Variants in ZNF277 observed in about 807,000 individuals in gnomAD.
The protein encoded by ZNF277 is nuclear receptor-interacting factor 4.
A neutral mutation model predicts 60.7 loss-of-function variants in ZNF277; 55 were observed. The observed-to-expected ratio is 0.91, with a 90% CI of 0.73 to 1.13. ZNF277 has a LOEUF of 1.13. Ranked by LOEUF, ZNF277 falls within the 50% of genes most tolerant of loss-of-function variation. ZNF277 has a pLI of 0.00. For missense variants in ZNF277, 510 were observed against 523.0 expected (o/e 0.98, Z 0.24); for synonymous variants, 178 against 179.3 (o/e 0.99, Z 0.06).
At chr7:112,261,257 G>T (rs1212276963) in intron 1 of ZNF277, among the ~76,000 whole-genome samples, 2 of 152,208 alleles carry the variant, frequency 1.3e-5, no homozygotes, top group East Asian at 3.8e-4. Context: ...TGATGGAAAT[G>T]AAGTTTCAGT....
intron 7 of ZNF277, among the ~76,000 whole-genome samples, chr7:112,332,251 C>T (rs1176959631): frequency 7.9e-5 from 12 of 152,144 alleles, no homozygotes. Context: ...TATTTGAGTA[C>T]TTATAATCTG....
chr7:112,296,908 A>ATTTATTTTTTTTTTT (rs1792357263), intron 4 of ZNF277, among the ~76,000 whole-genome samples: 1 of 37,186 alleles, frequency 2.7e-5, no homozygotes, highest in South Asian at 9.1e-4. Flanking sequence ...TTATTTATTT[A>ATTTATTTTTTTTTTT]TTTATTTTTT....
intron 1 of ZNF277, among the ~76,000 whole-genome samples, chr7:112,222,403 T>C (rs1271231401): frequency 6.6e-6 from 1 of 152,262 alleles, no homozygotes; most frequent in Admixed American, 6.5e-5. Flanking sequence ...TTCTTCATAA[T>C]TGAGTCTTGC....
intron 7 of ZNF277, among the ~76,000 whole-genome samples, chr7:112,333,622 G>T (rs554529945): frequency 6.6e-6 from 1 of 152,310 alleles, no homozygotes; most frequent in African/African-American, 2.4e-5. Context: ...GCAGAAGTAG[G>T]AGAGCAAATG....
At chr7:112,241,974 T>C (rs1446108197) in intron 1 of ZNF277, among the ~76,000 whole-genome samples, 3 of 152,076 alleles carry the variant, frequency 2.0e-5, no homozygotes, top group Admixed American at 6.6e-5. Flanking sequence ...AGAAACCTAT[T>C]GTACATTTAA....
chr7:112,312,067 A>G (rs1792744576), intron 4 of ZNF277, among the ~76,000 whole-genome samples: 1 of 152,110 alleles, frequency 6.6e-6, no homozygotes, highest in Non-Finnish European at 1.5e-5. Flanking sequence ...TATAATGCCC[A>G]GGGGAGATTA....
chr7:112,231,181 TCCAGC>T (rs1327391837), intron 1 of ZNF277, among the ~76,000 whole-genome samples: 1 of 147,408 alleles, frequency 6.8e-6, no homozygotes. Flanking sequence ...GCCATTGCAC[TCCAGC>T]CTGGCAACAA....
At chr7:112,244,366 T>G (rs1042581685) in intron 1 of ZNF277, among the ~76,000 whole-genome samples, 3 of 152,168 alleles carry the variant, frequency 2.0e-5, no homozygotes, top group African/African-American at 7.2e-5. Flanking sequence ...CTAATGGAAA[T>G]ATATTTCTAA....
intron 2 of ZNF277, among the ~76,000 whole-genome samples, chr7:112,290,450 C>G (rs1245572394): frequency 6.6e-6 from 1 of 152,042 alleles, no homozygotes; most frequent in Non-Finnish European, 1.5e-5. Flanking sequence ...TAATTAAATG[C>G]TGGGATTATT....
rs1349822252 is a variant in ZNF277 at position 112,320,707 on chromosome 7, T to C, written c.557+2434T>C. ...TTATAGACAGTATACAGTTGGATCA[T>C]TTTTTATCCATTCTGCCAGTCTTCA... On this transcript the variant is annotated intron_variant, in intron 5 of 11. Transcript: ENST00000361822. 2.6e-5 allele frequency among the ~76,000 whole-genome samples: 4 copies of C among 152,152 alleles called. No homozygotes were observed. The East Asian group carries it at 5.8e-4, about 22-fold the overall frequency.
At position 112,233,165 on chromosome 7, in the gene ZNF277, G is replaced by A. The variant is rs547846405; in HGVS notation, c.91+26358G>A. On this transcript the variant is annotated intron_variant, in intron 1 of 11. Coordinates refer to ENST00000361822, the MANE Select transcript of ZNF277 (RefSeq NM_021994.3). ...GAAATAGGGATTTCACAATCCTATC[G>A]GGATTGTGATTGTGATGCACTTTGC... Among the ~76,000 whole-genome samples the A allele has an allele frequency of 3.8e-4, 58 of 152,184 alleles. 1 individual carries two copies. The South Asian group carries it at 0.011, about 30-fold the overall frequency.
At chr7:112,250,455 C>G (rs1369597713) in intron 1 of ZNF277, among the ~76,000 whole-genome samples, 1 of 152,244 alleles carries the variant, frequency 6.6e-6, no homozygotes, top group Admixed American at 6.5e-5. Flanking sequence ...TGACCCACAC[C>G]TATTCGCACA....
chr7:112,210,486 T>C (rs1022282466), intron 1 of ZNF277, among the ~76,000 whole-genome samples: 1 of 151,352 alleles, frequency 6.6e-6, no homozygotes, highest in Admixed American at 6.6e-5. Flanking sequence ...TTGTTTTTTT[T>C]TTTGAGACAG....
intron 1 of ZNF277, among the ~76,000 whole-genome samples, chr7:112,285,434 ATTTT>A (rs397888986): frequency 1.6e-5 from 2 of 127,506 alleles, no homozygotes; most frequent in African/African-American, 3.1e-5. Flanking sequence ...AAAATAGGAA[ATTTT>A]TTTTTTTTTT....
chr7:112,284,778 A>G (rs1792023521), intron 1 of ZNF277, among the ~76,000 whole-genome samples: 1 of 152,184 alleles, frequency 6.6e-6, no homozygotes, highest in Admixed American at 6.6e-5. Context: ...TGGGTGATGT[A>G]TTAGAGACCC....
intron 5 of ZNF277, among the ~76,000 whole-genome samples, chr7:112,323,475 G>A (rs564001225): frequency 2.0e-5 from 3 of 152,160 alleles, no homozygotes; most frequent in African/African-American, 7.2e-5. Context: ...TGCCATACAG[G>A]CTGAATAGTA....
intron 4 of ZNF277, among the ~76,000 whole-genome samples, chr7:112,300,510 T>G (rs1792449991): frequency 6.6e-6 from 1 of 152,204 alleles, no homozygotes; most frequent in Non-Finnish European, 1.5e-5. Context: ...TCTCAAGATC[T>G]TATCACCTGT....
intron 2 of ZNF277, chr7:112,287,300 A>G (rs1792091495): frequency 3.7e-6 from 2 of 535,452 alleles, no homozygotes; most frequent in Admixed American, 3.2e-5. Flanking sequence ...GCTTGCACCC[A>G]TGAGTTCGAG....
At chr7:112,334,209 T>C (rs372401008) in intron 7 of ZNF277, among the ~76,000 whole-genome samples, 17 of 152,242 alleles carry the variant, frequency 1.1e-4, no homozygotes, top group African/African-American at 4.1e-4. Flanking sequence ...AGAAGTGTGA[T>C]GGGTGAAGGG....
Sources: gnomAD v4.1 joint callset for allele counts (sites outside exome capture counted in the v4.1 genomes callset) on GRCh38, gnomAD v4.1.1 for gene constraint, MANE v1.5 for transcripts, NCBI Gene and HGNC (gene_info 2026-07-23, HGNC 2026-07-21) for gene names.